Variants in PSD3 observed in about 807,000 individuals in gnomAD.
The protein encoded by PSD3 is PH and SEC7 domain-containing protein 3.
A neutral mutation model predicts 105.5 loss-of-function variants in PSD3; 49 were observed. The observed-to-expected ratio is 0.46, with a 90% confidence interval of 0.37 to 0.59. The LOEUF (loss-of-function observed/expected upper bound fraction) is 0.59, where lower values mean the gene tolerates loss of function less well. Ranked by LOEUF, PSD3 falls within the 20% of genes least tolerant of loss-of-function variation. The pLI is 0.00. For missense variants in PSD3, 1,561 were observed against 1,263.8 expected, an observed-to-expected ratio of 1.24 and a Z score of -3.57; for synonymous variants, 557 against 457.8, an observed-to-expected ratio of 1.22 and a Z score of -2.77.
At chr8:19,002,306 C>T (rs1391266715) in intron 1 of PSD3, among the ~76,000 whole-genome samples, 2 of 152,006 alleles carry the variant, frequency 1.3e-5, no homozygotes, top group Non-Finnish European at 1.5e-5. Flanking sequence ...TTGTGAGTTG[C>T]TGGTGTTCTA....
chr8:18,623,446 CCCAAAAAAAAAAAA>C (rs1216467623), intron 11 of PSD3, among the ~76,000 whole-genome samples: 1 of 57,074 alleles, frequency 1.8e-5, no homozygotes, highest in Admixed American at 2.5e-4. Context: ...CCCCCGTCTC[CCCAAAAAAAAAAAA>C]AAAAAAAAAA....
chr8:19,051,497 A>G (rs185543329), intron 1 of PSD3, among the ~76,000 whole-genome samples: 2 of 152,300 alleles, frequency 1.3e-5, no homozygotes, highest in East Asian at 3.9e-4. Flanking sequence ...TAGGCACTCA[A>G]TAAATATTTT....
intron 10 of PSD3, among the ~76,000 whole-genome samples, chr8:18,640,505 T>G (rs1194355314): frequency 6.6e-6 from 1 of 152,128 alleles, no homozygotes; most frequent in African/African-American, 2.4e-5. Context: ...TGAGATCTGA[T>G]GGTTTTATAA....
At chr8:18,944,798 T>C (rs911826497) in intron 1 of PSD3, among the ~76,000 whole-genome samples, 1 of 152,306 alleles carries the variant, frequency 6.6e-6, no homozygotes, top group African/African-American at 2.4e-5. Context: ...AATTGCCCAG[T>C]TGGGACTGAC....
Position 18,936,046 on chromosome 8 carries a change from C to A in PSD3, c.118G>T (p.Ala40Ser). ...EFLFGRSEGK[A>S]PDTSDHGGST... ...AGGAAATACTTACTAGTATCTGGAG[C>A]TTTCCCTTCAGATCTGCCAAATAAA... is the stretch of plus-strand genomic sequence containing the variant. Residue 40 changes from alanine (A) to serine (S), a missense_variant, in exon 2 of 16, where the codon GCT becomes TCT. Coordinates refer to ENST00000327040, the MANE Select transcript of PSD3 (RefSeq NM_015310.4). 1 of 1,606,658 alleles carries A rather than the reference C, an allele frequency of 6.2e-7. No homozygotes were observed. The highest frequency in any genetic ancestry group is 8.5e-7 in the Non-Finnish European group (1 of 1,173,858).
intron 11 of PSD3, among the ~76,000 whole-genome samples, chr8:18,614,136 T>C (rs945770533): frequency 3.9e-5 from 6 of 152,232 alleles, no homozygotes; most frequent in African/African-American, 1.4e-4. Flanking sequence ...TGGGGTTTCC[T>C]CTAATCACTC....
chr8:18,862,796 C>A (rs1464953517), intron 4 of PSD3, among the ~76,000 whole-genome samples: 1 of 148,462 alleles, frequency 6.7e-6, no homozygotes, highest in African/African-American at 2.5e-5. Flanking sequence ...CCTAAGCGGA[C>A]AAACAATACA....
chr8:18,989,024 A>C (rs7017835), intron 1 of PSD3, among the ~76,000 whole-genome samples: 47,059 of 152,018 alleles, frequency 0.31, 7,512 homozygotes, highest in Non-Finnish European at 0.35. Context: ...GTAAAGATAA[A>C]TTGGGTTCCG....
At chr8:18,815,362 G>C (rs1236642620) in intron 4 of PSD3, among the ~76,000 whole-genome samples, 2 of 152,166 alleles carry the variant, frequency 1.3e-5, no homozygotes, top group Non-Finnish European at 2.9e-5. Flanking sequence ...AGGCTGGAGT[G>C]TAGTGGCATG....
chr8:18,981,164 G>T (rs991535983), intron 1 of PSD3, among the ~76,000 whole-genome samples: 1 of 152,120 alleles, frequency 6.6e-6, no homozygotes, highest in African/African-American at 2.4e-5. Flanking sequence ...GGTCCACCAG[G>T]ACACTGCTAG....
At chr8:18,614,689 G>A (rs1186315761) in intron 11 of PSD3, among the ~76,000 whole-genome samples, 2 of 151,968 alleles carry the variant, frequency 1.3e-5, no homozygotes, top group Non-Finnish European at 2.9e-5. Flanking sequence ...TTTGAGACAG[G>A]GTGATTACAG....
At chr8:18,761,567 T>G (rs1459164432) in intron 9 of PSD3, among the ~76,000 whole-genome samples, 1 of 152,188 alleles carries the variant, frequency 6.6e-6, no homozygotes, top group Non-Finnish European at 1.5e-5. Context: ...ACCCAGTCAG[T>G]ACAGTTCTCA....
intron 1 of PSD3, among the ~76,000 whole-genome samples, chr8:19,040,895 TTTTATTTG>T (rs1276881475): frequency 1.3e-5 from 2 of 152,052 alleles, no homozygotes; most frequent in African/African-American, 4.8e-5. Flanking sequence ...TTTATTTTTA[TTTTATTTG>T]TTTATTTGAG....
chr8:18,592,736 T>C (rs749836006), intron 12 of PSD3, among the ~76,000 whole-genome samples: 2 of 152,180 alleles, frequency 1.3e-5, no homozygotes, highest in East Asian at 3.9e-4. Context: ...CACACAAGCA[T>C]ATTACATCCA....
rs574937642 is a variant in PSD3 at position 18,604,975 on chromosome 8, T to A, written c.2411-4541A>T. On this transcript the variant is annotated intron_variant, in intron 11 of 15. Coordinates refer to ENST00000327040, the MANE Select transcript of PSD3 (RefSeq NM_015310.4). ...AAGTCTGGATGTACAGGCAGAAGCC[T>A]GCTGCAGTGGTGGAGCCCTCATGGA... is the stretch of plus-strand genomic sequence containing the variant. 3.9e-5 allele frequency among the ~76,000 whole-genome samples: 6 copies of A among 152,356 alleles called. No homozygotes were observed. In the East Asian group the frequency reaches 1.2e-3, roughly 29 times the overall value.
At chr8:18,536,863 G>T (rs7812358) in intron 15 of PSD3, among the ~76,000 whole-genome samples, 1 of 151,978 alleles carries the variant, frequency 6.6e-6, no homozygotes, top group Admixed American at 6.6e-5. Context: ...GGTAAAGTAA[G>T]TATTCCACCA....
chr8:18,954,950 A>C (rs116515415), intron 1 of PSD3, among the ~76,000 whole-genome samples: 2,486 of 152,342 alleles, frequency 0.016, 73 homozygotes, highest in African/African-American at 0.056. Flanking sequence ...ACAGACGCCA[A>C]AAAAAGAGAT....
chr8:18,590,322 G>C (rs747219111), intron 12 of PSD3, among the ~76,000 whole-genome samples: 8 of 152,186 alleles, frequency 5.3e-5, no homozygotes, highest in East Asian at 3.8e-4. Context: ...ACTGCGGATA[G>C]TAAATCAAAC....
At chr8:18,689,507 G>C (rs1800851540) in intron 9 of PSD3, among the ~76,000 whole-genome samples, 1 of 152,204 alleles carries the variant, frequency 6.6e-6, no homozygotes, top group Non-Finnish European at 1.5e-5. Context: ...GGTACAATTA[G>C]CAGGATACCA....
Sources: allele counts gnomAD v4.1 joint callset (sites outside exome capture counted in the v4.1 genomes callset), GRCh38; gene constraint gnomAD v4.1.1; transcripts MANE v1.5; gene names NCBI Gene and HGNC (gene_info 2026-07-23, HGNC 2026-07-21).